Variants in ASTN1 observed in about 807,000 individuals in gnomAD.
ASTN1 encodes astrotactin 1.
In ASTN1, 41 loss-of-function variants were observed where a neutral mutation model predicts 140.7. The ratio of observed to expected loss-of-function variants is 0.29; its 90% confidence interval spans 0.23 to 0.38. The LOEUF (loss-of-function observed/expected upper bound fraction) is 0.38. Ranked by LOEUF, ASTN1 falls within the 10% of genes least tolerant of loss-of-function variation. The pLI, the probability that ASTN1 is intolerant of heterozygous loss-of-function variation, is 1.00. For missense variants in ASTN1, 1,479 were observed against 1,678.8 expected (o/e 0.88, Z 2.08); for synonymous variants, 640 against 652.2 (o/e 0.98, Z 0.29).
At chr1:177,065,321 G>T (rs1678302645) in intron 1 of ASTN1, among the ~76,000 whole-genome samples, 1 of 152,124 alleles carries the variant, frequency 6.6e-6, no homozygotes, top group African/African-American at 2.4e-5. Flanking sequence ...CCCCCTAAAT[G>T]TCTGGAACTT....
At chr1:177,131,592 C>A (rs907528801) in intron 1 of ASTN1, among the ~76,000 whole-genome samples, 1 of 151,510 alleles carries the variant, frequency 6.6e-6, no homozygotes. Context: ...AATGAAAAAC[C>A]AAGATTTTTA....
chr1:177,084,531 G>C (rs559377849), intron 1 of ASTN1, among the ~76,000 whole-genome samples: 1 of 152,104 alleles, frequency 6.6e-6, no homozygotes, highest in Non-Finnish European at 1.5e-5. Flanking sequence ...CCTTGTTTTT[G>C]ACTTCAAGAT....
At position 177,024,651 on chromosome 1, in the gene ASTN1, G is replaced by A; in HGVS notation, c.1202C>T (p.Ser401Phe). Residue 401 changes from serine (S) to phenylalanine (F), a missense_variant, in exon 6 of 23, where the codon TCC (serine) becomes TTC (phenylalanine). Around this residue, in one of 3 missense-constraint regions of ASTN1, gnomAD observed 729 missense variants for 860.4 expected, o/e 0.85. Coordinates refer to ENST00000361833, the MANE Select transcript of ASTN1 (RefSeq NM_004319.3). ...AACGAGAGGGCAGTTGACGTGAGAG[G>A]AGCACACGAGGCCAATCACACAGCT... ...ITSCVIGLVC[S>F]SHVNCPLVVK... The A allele has an allele frequency of 1.2e-6, 2 of 1,614,064 alleles. No homozygotes were observed. The highest frequency in any genetic ancestry group is 1.7e-6 in the Non-Finnish European group (2 of 1,179,996).
At chr1:177,098,017 T>C (rs1680112562) in intron 1 of ASTN1, among the ~76,000 whole-genome samples, 1 of 152,194 alleles carries the variant, frequency 6.6e-6, no homozygotes, top group Non-Finnish European at 1.5e-5. Flanking sequence ...CCCACAATAA[T>C]AAACTGGTAA....
At chr1:176,949,100 A>T in intron 12 of ASTN1, 85 bp downstream of exon 12, 2 of 1,549,684 alleles carry the variant, frequency 1.3e-6, no homozygotes, top group Non-Finnish European at 1.8e-6. Context: ...TGACCTATTC[A>T]CTCACATTTC....
intron 15 of ASTN1, among the ~76,000 whole-genome samples, chr1:176,935,687 G>A (rs1200725568): frequency 6.6e-6 from 1 of 152,088 alleles, no homozygotes; most frequent in African/African-American, 2.4e-5. Context: ...GAAACCCTAA[G>A]TAAGTTTAGA....
intron 11 of ASTN1, among the ~76,000 whole-genome samples, chr1:176,952,607 C>A (rs1672240309): frequency 6.6e-6 from 1 of 152,150 alleles, no homozygotes; most frequent in African/African-American, 2.4e-5. Flanking sequence ...TTGCCTGAAT[C>A]TTCTTTCTGC....
intron 1 of ASTN1, among the ~76,000 whole-genome samples, chr1:177,153,553 T>C (rs903323460): frequency 1.3e-5 from 2 of 152,066 alleles, no homozygotes; most frequent in African/African-American, 4.8e-5. Flanking sequence ...ATACCAAGTA[T>C]TTAAATGCAA....
chr1:176,908,209 G>A (rs545298740), intron 16 of ASTN1, among the ~76,000 whole-genome samples: 1 of 152,116 alleles, frequency 6.6e-6, no homozygotes, highest in South Asian at 2.1e-4. Flanking sequence ...GTTGACTAAG[G>A]AGCAACAGCA....
rs112361615 is a variant in ASTN1 at position 176,879,002 on chromosome 1, T to C, written c.3363-2365A>G. On this transcript the variant is annotated intron_variant, in intron 20 of 22. Coordinates refer to ENST00000361833, the MANE Select transcript of ASTN1 (RefSeq NM_004319.3). ...CAGAGGTGGAGTGGCTTTATCCTTG[T>C]TGCAGACTGTGCCCTAAGCCCAGTT... 3.7e-3 allele frequency among the ~76,000 whole-genome samples: 570 copies of C among 152,286 alleles called. 1 individual carries two copies. Among genetic ancestry groups the C allele is most frequent in the African/African-American group, 0.013 (530 of 41,568 alleles).
In ASTN1 at chr1:176,906,808, C is replaced by T. The variant is rs1004977718; in HGVS notation, c.2672-11978G>A. On this transcript the variant is annotated intron_variant, in intron 16 of 22. Coordinates refer to ENST00000361833, the MANE Select transcript of ASTN1 (RefSeq NM_004319.3). The stretch of plus-strand genomic sequence containing the variant: ...GGCGGAGGTTGCAGTTGTGCCACTA[C>T]GCTCCAGCCTGGGTGACAGAGTGAG... 2.7e-5 allele frequency among the ~76,000 whole-genome samples: 4 copies of T among 148,628 alleles called. No homozygotes were observed. In the East Asian group the frequency reaches 5.9e-4, roughly 22 times the overall value.
chr1:176,920,489 C>G (rs1424217241), intron 16 of ASTN1, among the ~76,000 whole-genome samples: 1 of 152,230 alleles, frequency 6.6e-6, no homozygotes, highest in Non-Finnish European at 1.5e-5. Context: ...CATACCTCCC[C>G]ACTTGTTTCC....
chr1:177,014,912 G>A, intron 7 of ASTN1, 37 bp from the exon 8 acceptor site: 4 of 1,546,564 alleles, frequency 2.6e-6, no homozygotes, highest in Non-Finnish European at 3.6e-6. Context: ...AGAGAAACAT[G>A]AAGGAATTGA....
At chr1:176,988,206 A>T (rs1673993140) in intron 8 of ASTN1, among the ~76,000 whole-genome samples, 1 of 151,712 alleles carries the variant, frequency 6.6e-6, no homozygotes, top group South Asian at 2.1e-4. Flanking sequence ...AATCATAGAG[A>T]TCTGGGAGAT....
At chr1:176,928,532 T>G (rs952200199) in intron 16 of ASTN1, among the ~76,000 whole-genome samples, 1 of 152,150 alleles carries the variant, frequency 6.6e-6, no homozygotes, top group Admixed American at 6.5e-5. Flanking sequence ...GAACCCTGTC[T>G]GAGTGTCAGG....
intron 1 of ASTN1, among the ~76,000 whole-genome samples, chr1:177,155,134 C>T (rs1031705336): frequency 6.6e-6 from 1 of 152,132 alleles, no homozygotes; most frequent in African/African-American, 2.4e-5. Flanking sequence ...TTTATTACAA[C>T]TATATGGCAT....
chr1:177,019,140 C>T lies in ASTN1; in HGVS notation c.1438+4264G>A, dbSNP rs144695296. 1.9e-3 allele frequency among the ~76,000 whole-genome samples: 283 copies of T among 152,238 alleles called. 1 individual carries two copies. Among genetic ancestry groups the T allele is most frequent in the Non-Finnish European group, 3.3e-3 (223 of 68,010 alleles). On this transcript the variant is annotated intron_variant, in intron 7 of 22. Coordinates refer to ENST00000361833, the MANE Select transcript of ASTN1 (RefSeq NM_004319.3). The stretch of plus-strand genomic sequence containing the variant: ...GGAGTGTGAGTTCTGAGTCAGGCAG[C>T]CTGAGTTTGAAGTCCAGCTAGGTCA...
At chr1:177,121,260 G>GATCT (rs1182709496) in intron 1 of ASTN1, among the ~76,000 whole-genome samples, 2 of 152,114 alleles carry the variant, frequency 1.3e-5, no homozygotes, top group Non-Finnish European at 2.9e-5. Context: ...AAGATGGAAA[G>GATCT]ATCTATGCCC....
chr1:176,921,899 T>A (rs1020862985), intron 16 of ASTN1, among the ~76,000 whole-genome samples: 1 of 152,134 alleles, frequency 6.6e-6, no homozygotes, highest in Non-Finnish European at 1.5e-5. Flanking sequence ...TTAAACAATA[T>A]GCTATCATTT....
Sources: gnomAD v4.1 joint callset for allele counts (sites outside exome capture counted in the v4.1 genomes callset) on GRCh38, gnomAD v4.1.1 for gene constraint, gnomAD v4.1.1 regional missense constraint, MANE v1.5 for transcripts, NCBI Gene and HGNC (gene_info 2026-07-23, HGNC 2026-07-21) for gene names.